KDM7A: variants seen among roughly 807,000 people sequenced by gnomAD.
KDM7A encodes the protein lysine-specific demethylase 7A.
A neutral mutation model predicts 114.8 loss-of-function variants in KDM7A; 28 were observed. That is an observed-to-expected ratio of 0.24 (90% CI 0.18 to 0.33). KDM7A has a LOEUF of 0.33. Among genes scored for constraint, KDM7A ranks in the 10% least tolerant of loss-of-function variants. The pLI is 1.00. For synonymous variants in KDM7A, 423 were observed against 397.8 expected (o/e 1.06, Z -0.75); for missense variants, 942 against 1,142.5 (o/e 0.82, Z 2.53).
Position 140,143,718 on chromosome 7 carries a change from A to C in KDM7A, c.195-4528T>G, listed in dbSNP as rs568088126. Among the ~76,000 whole-genome samples the C allele has an allele frequency of 3.3e-5, 5 of 152,322 alleles. No homozygotes were observed. The East Asian group carries it at 9.6e-4, about 29-fold the overall frequency. On this transcript the variant is annotated intron_variant, in intron 1 of 19. Transcript: ENST00000397560. Reference sequence around the variant, plus strand: ...CTACTGTAAAGTCTTTGAGAGCTTGAGTAGAGCTTGCTGCAATCCCAAAAG... The same window carrying C: ...CTACTGTAAAGTCTTTGAGAGCTTGCGTAGAGCTTGCTGCAATCCCAAAAG...
rs1817908406 is a variant in KDM7A at position 140,085,309 on chromosome 7, T to C, written c.*5785A>G. The C allele has an allele frequency of 6.6e-6, 1 of 152,122 alleles. No homozygotes were observed. Among genetic ancestry groups the C allele is most frequent in the African/African-American group, 2.4e-5 (1 of 41,426 alleles). The allele number at this position is 152,122 out of a possible 1,614,324, so 9.4% of individuals were successfully genotyped here. On this transcript the variant is annotated 3_prime_UTR_variant, in exon 20 of 20. Transcript: ENST00000397560. ...GGCTAGCAAAACGTTACTACAAAAC[T>C]AGTAAATACCAGAGCCAACAACTGT...
At chr7:140,175,740 G>GGCT (rs1794696541) in intron 1 of KDM7A, among the ~76,000 whole-genome samples, 1 of 152,056 alleles carries the variant, frequency 6.6e-6, no homozygotes, top group Admixed American at 6.5e-5. Flanking sequence ...GCGCGGCGGC[G>GGCT]GCTGAATCAG....
chr7:140,142,002 GATATTTATATATAATAT>G (rs915289300), intron 1 of KDM7A, among the ~76,000 whole-genome samples: 5 of 136,718 alleles, frequency 3.7e-5, no homozygotes, highest in Non-Finnish European at 6.6e-5. Context: ...ATCCATAAAT[GATATTTATATATAATAT>G]ATATTTATAT....
intron 9 of KDM7A, among the ~76,000 whole-genome samples, chr7:140,115,814 AAAT>A: frequency 7.9e-6 from 1 of 127,370 alleles, no homozygotes; most frequent in East Asian, 2.1e-4. Context: ...TAAAAAAAAT[AAAT>A]AAATAAAAAA....
chr7:140,092,304 A>T (rs1372663328), intron 18 of KDM7A, among the ~76,000 whole-genome samples: 1 of 152,134 alleles, frequency 6.6e-6, no homozygotes, highest in Admixed American at 6.5e-5. Context: ...CGAAAGAGAG[A>T]GTGAGAGAAA....
intron 1 of KDM7A, among the ~76,000 whole-genome samples, chr7:140,162,786 T>A (rs1398562313): frequency 6.6e-6 from 1 of 151,932 alleles, no homozygotes; most frequent in African/African-American, 2.4e-5. Context: ...AAAATATATA[T>A]CCTGCAGCAC....
At chr7:140,167,316 A>G (rs1333067257) in intron 1 of KDM7A, among the ~76,000 whole-genome samples, 1 of 152,176 alleles carries the variant, frequency 6.6e-6, no homozygotes, top group Non-Finnish European at 1.5e-5. Context: ...ACAACAAACT[A>G]AGAGGATGGG....
chr7:140,158,117 G>A (rs1037105349), intron 1 of KDM7A, among the ~76,000 whole-genome samples: 3 of 152,120 alleles, frequency 2.0e-5, no homozygotes, highest in African/African-American at 4.8e-5. Flanking sequence ...AGAGAAAGAA[G>A]TACTTCAGGA....
chr7:140,114,653 TCTGCCCGG>T (rs1205848044), intron 9 of KDM7A, among the ~76,000 whole-genome samples: 1 of 151,244 alleles, frequency 6.6e-6, no homozygotes, highest in Non-Finnish European at 1.5e-5. Context: ...GAGGAGCCCC[TCTGCCCGG>T]CTGCCCAGTC....
At chr7:140,120,862 C>T (rs532310629) in intron 7 of KDM7A, among the ~76,000 whole-genome samples, 1 of 152,160 alleles carries the variant, frequency 6.6e-6, no homozygotes, top group East Asian at 1.9e-4. Context: ...CTCACATTGG[C>T]CTCCCAAAGT....
chr7:140,125,010 G>A (rs980218148), intron 6 of KDM7A, among the ~76,000 whole-genome samples: 8 of 152,120 alleles, frequency 5.3e-5, no homozygotes, highest in African/African-American at 1.9e-4. Context: ...CAATAAAGTA[G>A]TGTTGAAGAA....
chr7:140,130,109 A>G (rs1818762250), intron 3 of KDM7A, among the ~76,000 whole-genome samples: 1 of 152,172 alleles, frequency 6.6e-6, no homozygotes, highest in Admixed American at 6.5e-5. Context: ...ATCTGAAATC[A>G]TTTCTGAAAC....
intron 10 of KDM7A, among the ~76,000 whole-genome samples, chr7:140,112,401 G>C (rs62491408): frequency 0.061 from 9,353 of 152,244 alleles, 368 homozygotes; most frequent in Non-Finnish European, 0.09. Flanking sequence ...CCTGAGGTCA[G>C]GAGCTCAAGA....
intron 11 of KDM7A, among the ~76,000 whole-genome samples, chr7:140,107,640 C>A (rs950337646): frequency 4.6e-5 from 7 of 152,188 alleles, no homozygotes; most frequent in Admixed American, 3.9e-4. Flanking sequence ...CCGAGAGATC[C>A]GCTGTCAGTC....
chr7:140,103,712 G>A (rs1172233596), intron 11 of KDM7A, among the ~76,000 whole-genome samples: 1 of 152,164 alleles, frequency 6.6e-6, no homozygotes, highest in Admixed American at 6.5e-5. Flanking sequence ...GTCTATCATT[G>A]ATGGACATTT....
chr7:140,157,330 C>T (rs1794468108), intron 1 of KDM7A, among the ~76,000 whole-genome samples: 3 of 152,302 alleles, frequency 2.0e-5, no homozygotes, highest in South Asian at 2.1e-4. Context: ...GCTCAGCTAC[C>T]ATGAATCTCT....
intron 11 of KDM7A, among the ~76,000 whole-genome samples, chr7:140,104,499 G>A (rs1381725544): frequency 6.6e-6 from 1 of 152,166 alleles, no homozygotes; most frequent in East Asian, 1.9e-4. Flanking sequence ...TGTAAGGAAG[G>A]GATCCAGTTT....
rs1410721603 is a variant in KDM7A, at chr7:140,089,884, A to G, written c.*1210T>C. 2.0e-5 allele frequency: 3 copies of G among 152,246 alleles called. No homozygotes were observed. Among genetic ancestry groups the G allele is most frequent in the Non-Finnish European group, 4.4e-5 (3 of 68,042 alleles). The allele number at this position is 152,246 out of a possible 1,614,324, so 9.4% of individuals were successfully genotyped here. A position where few individuals can be genotyped will look rare whatever the true frequency, so the allele number is the denominator to read the frequency against. On this transcript the variant is annotated 3_prime_UTR_variant, in exon 20 of 20. Transcript: ENST00000397560. ...AGAAATAAAAAAAGTAAATACACAC[A>G]AAAGATCTATTCCAACATGCTTGCT...
At chr7:140,159,220 A>T (rs956901680) in intron 1 of KDM7A, among the ~76,000 whole-genome samples, 4 of 152,066 alleles carry the variant, frequency 2.6e-5, no homozygotes, top group African/African-American at 9.7e-5. Context: ...GGTGGCACAC[A>T]CCTGTAATCC....
Sources: gnomAD v4.1 joint callset for allele counts (sites outside exome capture counted in the v4.1 genomes callset) on GRCh38, gnomAD v4.1.1 for gene constraint, MANE v1.5 for transcripts, NCBI Gene and HGNC (gene_info 2026-07-23, HGNC 2026-07-21) for gene names.